Variants in DACH1 observed in about 807,000 individuals in gnomAD.
DACH1 encodes the protein dachshund homolog 1.
Under a neutral mutation model 54.2 loss-of-function variants are expected in DACH1, and 12 were observed. The ratio of observed to expected loss-of-function variants is 0.22; its 90% CI spans 0.14 to 0.36. The LOEUF (loss-of-function observed/expected upper bound fraction) is 0.36, where lower values mean the gene tolerates loss of function less well. DACH1 is among the 10% of genes least tolerant of loss of function. DACH1 has a pLI of 1.00. For synonymous variants in DACH1, 386 were observed against 366.2 expected, an observed-to-expected ratio of 1.05 and a Z score of -0.62; for missense variants, 805 against 929.8, an observed-to-expected ratio of 0.87 and a Z score of 1.75.
At chr13:71,649,663 A>G (rs990259206) in intron 2 of DACH1, among the ~76,000 whole-genome samples, 1 of 152,210 alleles carries the variant, frequency 6.6e-6, no homozygotes, top group African/African-American at 2.4e-5. Context: ...TTCATGTTGT[A>G]ATGGAAAGGA....
intron 1 of DACH1, among the ~76,000 whole-genome samples, chr13:71,864,382 GAGA>G (rs768789135): frequency 1.5e-4 from 23 of 152,230 alleles, no homozygotes; most frequent in Middle Eastern, 3.4e-3. Flanking sequence ...GGCACTAACA[GAGA>G]AGAAGTCTTT....
At position 71,567,451 on chromosome 13, in the gene DACH1, T is replaced by C. The variant is rs1380471846; in HGVS notation, c.1299+5389A>G. Among the ~76,000 whole-genome samples, 3 of 151,370 alleles carry C rather than the reference T, an allele frequency of 2.0e-5. No individual in the cohort carries two copies. In the East Asian group the frequency reaches 5.8e-4, roughly 29 times the overall value. Reference sequence around the variant, plus strand: ...GTAAAATGAGCAGAACAAAAAAAAATAGAAAGTCAGAGAGACAGAGGTCTC... The same window carrying C: ...GTAAAATGAGCAGAACAAAAAAAAACAGAAAGTCAGAGAGACAGAGGTCTC... On this transcript the variant is annotated intron_variant, in intron 4 of 10. Transcript: ENST00000613252.
intron 2 of DACH1, among the ~76,000 whole-genome samples, chr13:71,671,977 T>C (rs1335774613): frequency 6.6e-6 from 1 of 152,108 alleles, no homozygotes; most frequent in Non-Finnish European, 1.5e-5. Flanking sequence ...CTGTAAGCCT[T>C]CTTAAGACTA....
At chr13:71,704,141 C>G in intron 1 of DACH1, 1 of 183,338 alleles carries the variant, frequency 5.5e-6, no homozygotes, top group South Asian at 1.2e-4. Flanking sequence ...TCAATGCAGT[C>G]CTTTTTTCTG....
intron 10 of DACH1, among the ~76,000 whole-genome samples, chr13:71,459,739 A>G (rs1875908397): frequency 1.3e-5 from 2 of 152,002 alleles, no homozygotes; most frequent in African/African-American, 2.4e-5. Flanking sequence ...GCCAATACTG[A>G]AAAACAAGAT....
intron 10 of DACH1, 73 bp downstream of exon 10, chr13:71,475,068 T>G: frequency 1.4e-6 from 2 of 1,383,676 alleles, no homozygotes; most frequent in Non-Finnish European, 2.1e-6. Context: ...GCTACATGCT[T>G]GAATAGCAGG....
At chr13:71,584,867 G>A (rs1479088573) in intron 3 of DACH1, among the ~76,000 whole-genome samples, 1 of 151,940 alleles carries the variant, frequency 6.6e-6, no homozygotes, top group African/African-American at 2.4e-5. Flanking sequence ...AGATTATTAT[G>A]CAGTCATATA....
intron 1 of DACH1, among the ~76,000 whole-genome samples, chr13:71,813,886 A>C (rs1167276463): frequency 6.6e-6 from 1 of 152,218 alleles, no homozygotes; most frequent in Non-Finnish European, 1.5e-5. Flanking sequence ...AGATGAAGAT[A>C]TCTATCCAAT....
At chr13:71,808,214 G>T (rs904293618) in intron 1 of DACH1, among the ~76,000 whole-genome samples, 1 of 151,964 alleles carries the variant, frequency 6.6e-6, no homozygotes, top group Non-Finnish European at 1.5e-5. Context: ...CAGAATTTTT[G>T]GAATTAATTT....
At position 71,639,524 on chromosome 13, in the gene DACH1, C is replaced by A. The variant is rs79416060; in HGVS notation, c.965-8807G>T. ...GTTTGTACTAACAACAACAAAAAAA[C>A]CCCACTAATTTGGAGATATATACAG... On this transcript the variant is annotated intron_variant, in intron 2 of 10. Coordinates refer to ENST00000613252, the MANE Select transcript of DACH1 (RefSeq NM_080759.6). Among the ~76,000 whole-genome samples the A allele has an allele frequency of 5.3e-3, 801 of 152,164 alleles. 9 individuals are homozygous for A. The highest frequency in any genetic ancestry group is 0.01 in the Middle Eastern group (3 of 294).
At chr13:71,839,140 A>T (rs1888917072) in intron 1 of DACH1, among the ~76,000 whole-genome samples, 1 of 152,080 alleles carries the variant, frequency 6.6e-6, no homozygotes, top group Admixed American at 6.6e-5. Flanking sequence ...ATAATATTTG[A>T]CCTCTGAGAA....
chr13:71,687,579 A>G (rs2138715142), intron 1 of DACH1, among the ~76,000 whole-genome samples: 1 of 152,310 alleles, frequency 6.6e-6, no homozygotes, highest in Middle Eastern at 3.4e-3. Flanking sequence ...TTTCTCTGTC[A>G]TAAACATACA....
intron 1 of DACH1, among the ~76,000 whole-genome samples, chr13:71,758,569 T>C (rs1566483001): frequency 6.6e-6 from 1 of 152,190 alleles, no homozygotes; most frequent in Non-Finnish European, 1.5e-5. Flanking sequence ...AGGAATACTC[T>C]AAAATGTGCC....
intron 2 of DACH1, among the ~76,000 whole-genome samples, chr13:71,645,905 T>C (rs1257136511): frequency 6.6e-6 from 1 of 152,182 alleles, no homozygotes; most frequent in Non-Finnish European, 1.5e-5. Context: ...CTAATAAGTC[T>C]GTGTTTCTGA....
intron 6 of DACH1, among the ~76,000 whole-genome samples, chr13:71,504,825 G>A (rs1224893128): frequency 6.6e-6 from 1 of 151,880 alleles, no homozygotes; most frequent in Non-Finnish European, 1.5e-5. Context: ...TTTCCTTATT[G>A]TTTGTCTTCT....
intron 3 of DACH1, among the ~76,000 whole-genome samples, chr13:71,620,020 G>A (rs1876104306): frequency 6.6e-6 from 1 of 151,886 alleles, no homozygotes; most frequent in African/African-American, 2.4e-5. Flanking sequence ...GTAACTGTAG[G>A]AGGCTGAGAT....
intron 10 of DACH1, among the ~76,000 whole-genome samples, chr13:71,448,020 C>A (rs979751302): frequency 7.2e-5 from 11 of 152,170 alleles, no homozygotes; most frequent in Non-Finnish European, 1.5e-4. Flanking sequence ...AGAACTCCCT[C>A]ACAAACATCC....
chr13:71,559,244 C>T (rs1057142360), intron 5 of DACH1, among the ~76,000 whole-genome samples: 4 of 152,030 alleles, frequency 2.6e-5, no homozygotes, highest in African/African-American at 9.6e-5. Context: ...TTAAAAATAA[C>T]AATATATGGC....
intron 6 of DACH1, among the ~76,000 whole-genome samples, chr13:71,542,201 G>A (rs183537273): frequency 6.6e-6 from 1 of 152,090 alleles, no homozygotes; most frequent in East Asian, 1.9e-4. Context: ...AGTGAGCTGA[G>A]ATTGCGCCAT....
Sources: gnomAD v4.1 joint callset for allele counts (sites outside exome capture counted in the v4.1 genomes callset) on GRCh38, gnomAD v4.1.1 for gene constraint, MANE v1.5 for transcripts, NCBI Gene and HGNC (gene_info 2026-07-23, HGNC 2026-07-21) for gene names.